The following KIF1B variants were observed in gnomAD, a reference collection of about 807,000 sequenced individuals.
The protein encoded by KIF1B is kinesin family member 1B.
In KIF1B, 76 loss-of-function variants were observed where a neutral mutation model predicts 241.9. That is an observed-to-expected ratio of 0.31 (90% CI 0.26 to 0.38). The LOEUF (loss-of-function observed/expected upper bound fraction) is 0.38, where lower values mean the gene tolerates loss of function less well. Ranked by LOEUF, KIF1B falls within the 10% of genes least tolerant of loss-of-function variation. The probability of loss-of-function intolerance (pLI) is 1.00; values close to 1 mark genes in which losing one functional copy is unlikely to be tolerated. For missense variants in KIF1B, 1,622 were observed against 2,271.4 expected, an observed-to-expected ratio of 0.71 and a Z score of 5.81; for synonymous variants, 750 against 796.7, an observed-to-expected ratio of 0.94 and a Z score of 0.99.
chr1:10,216,716 G>A (rs141506314), intron 1 of KIF1B, among the ~76,000 whole-genome samples: 1 of 152,126 alleles, frequency 6.6e-6, no homozygotes, highest in Non-Finnish European at 1.5e-5. Flanking sequence ...ACTCAAACCT[G>A]TCACTGCCCC....
Position 10,381,100 on chromosome 1 carries a change from G to A in KIF1B, c.*4513G>A, listed in dbSNP as rs1310576149. 9.0e-6 allele frequency: 2 copies of A among 222,600 alleles called. No homozygotes were observed. Among genetic ancestry groups the A allele is most frequent in the East Asian group, 6.6e-5 (1 of 15,264 alleles). The allele number at this position is 222,600 out of a possible 1,614,324, so 13.8% of individuals were successfully genotyped here. A position where few individuals can be genotyped will look rare whatever the true frequency, so the allele number is the denominator to read the frequency against. On this transcript the variant is annotated 3_prime_UTR_variant, in exon 49 of 49. Transcript: ENST00000676179. The stretch of plus-strand genomic sequence containing the variant: ...TCTCTTGCCAAACCGTGGCTGTTGT[G>A]TGTTGTTCTTCATGTCTTCGAGTTC...
chr1:10,372,763 G>A (rs1390718918), intron 45 of KIF1B, among the ~76,000 whole-genome samples: 4 of 148,520 alleles, frequency 2.7e-5, no homozygotes, highest in Non-Finnish European at 6.0e-5. Context: ...CCGAGTAGCT[G>A]GGACTACAGG....
intron 1 of KIF1B, among the ~76,000 whole-genome samples, chr1:10,217,800 T>C (rs1571082826): frequency 6.6e-6 from 1 of 151,668 alleles, no homozygotes; most frequent in African/African-American, 2.4e-5. Flanking sequence ...TTTGCTGTAC[T>C]CCCCCGTGAT....
At chr1:10,267,013 T>C (rs1648500301) in intron 5 of KIF1B, among the ~76,000 whole-genome samples, 1 of 151,032 alleles carries the variant, frequency 6.6e-6, no homozygotes. Flanking sequence ...TTTTCTTTCT[T>C]TCTTTCTTTC....
chr1:10,375,466 C>T, intron 48 of KIF1B, 93 bp downstream of exon 48: 1 of 971,788 alleles, frequency 1.0e-6, no homozygotes, highest in East Asian at 2.4e-5. Context: ...CTCACTGCAA[C>T]CTCCGCCCCC....
At chr1:10,272,836 CATT>C (rs1393491766) in intron 9 of KIF1B, among the ~76,000 whole-genome samples, 175 bp from the exon 10 acceptor site, 1 of 151,026 alleles carries the variant, frequency 6.6e-6, no homozygotes, top group Non-Finnish European at 1.5e-5. Flanking sequence ...TTAAATTAGT[CATT>C]GTGTGTTCTA....
chr1:10,278,904 C>T (rs1482469403), intron 13 of KIF1B, 193 bp from the exon 14 acceptor site: 1 of 483,454 alleles, frequency 2.1e-6, no homozygotes, highest in Non-Finnish European at 3.7e-6. Context: ...ATTTTCAAGG[C>T]CTCTTCTAGT....
rs1638974179 is a variant in KIF1B at position 10,379,652 on chromosome 1, A to G, written c.*3065A>G. The G allele has an allele frequency of 4.3e-6, 1 of 231,350 alleles. No homozygotes were observed. Among genetic ancestry groups the G allele is most frequent in the South Asian group, 1.8e-4 (1 of 5,512 alleles). The allele number at this position is 231,350 out of a possible 1,614,324, so 14.3% of individuals were successfully genotyped here. On this transcript the variant is annotated 3_prime_UTR_variant, in exon 49 of 49. Transcript: ENST00000676179. ...TAAATAAGCAAAAACTTTAAAAGGC[A>G]GGAAAGAGAATTCTTAGGCAAATTC...
chr1:10,358,011 G>C (rs894206547), intron 38 of KIF1B, among the ~76,000 whole-genome samples: 5 of 138,390 alleles, frequency 3.6e-5, no homozygotes, highest in African/African-American at 1.4e-4. Context: ...CTCTGTCTCA[G>C]AAAAATAAAT....
intron 15 of KIF1B, among the ~76,000 whole-genome samples, chr1:10,285,370 G>A (rs548927514): frequency 1.3e-5 from 2 of 152,256 alleles, no homozygotes; most frequent in Non-Finnish European, 2.9e-5. Context: ...TCACATGTTA[G>A]GAGTCAAGAC....
At position 10,365,541 on chromosome 1, in the gene KIF1B, A is replaced by T; in HGVS notation, c.4645A>T (p.Ile1549Phe). 1 of 1,614,116 alleles carries T rather than the reference A, an allele frequency of 6.2e-7. No homozygotes were observed. Among genetic ancestry groups the T allele is most frequent in the Non-Finnish European group, 8.5e-7 (1 of 1,180,034 alleles). Residue 1549 changes from isoleucine to phenylalanine, a missense_variant, in exon 43 of 49, where the codon ATC becomes TTC. Physicochemically the swap from Ile to Phe is conservative, Grantham distance 21 (BLOSUM62 0). This residue lies in a region of KIF1B where 357 missense variants were observed against 409.0 expected (regional missense o/e 0.87). Coordinates refer to ENST00000676179, the MANE Select transcript of KIF1B (RefSeq NM_001365951.3). This position sits in a 1 kb window ranked among gnomAD's most constrained non-coding sequence, Gnocchi z 4.0. ...CACCTCCACCAGTATCTCCTCTCAG[A>T]TCTCAACCACTACCTTTGAAAGCGC... ...LSTSTSISSQ[I>F]STTTFESAIT...
At chr1:10,294,543 A>G (rs2039778) in intron 17 of KIF1B, among the ~76,000 whole-genome samples, 51,266 of 151,968 alleles carry the variant, frequency 0.34, 8,802 homozygotes, top group Admixed American at 0.38. Context: ...ATCAAAAATT[A>G]GGTCTTGTTT....
At chr1:10,262,027 C>A in intron 5 of KIF1B, 57 bp downstream of exon 5, 1 of 1,152,190 alleles carries the variant, frequency 8.7e-7, no homozygotes. Flanking sequence ...TCTCAAGCAT[C>A]ACTTAAATGG....
At position 10,303,594 on chromosome 1, in the gene KIF1B, C is replaced by T. The variant is rs200862338; in HGVS notation, c.2115+6348C>T. Reference sequence around the variant, plus strand: ...CCGTCGGTGTTGGGGATGAGAAGATCGAAGACGTCATGGCCACTGGGAAAG... The same window carrying T: ...CCGTCGGTGTTGGGGATGAGAAGATTGAAGACGTCATGGCCACTGGGAAAG... On this transcript the variant is annotated intron_variant, in intron 22 of 48. Transcript: ENST00000676179. This position sits in a 1 kb window ranked among gnomAD's most constrained non-coding sequence, Gnocchi z 5.2. The T allele has an allele frequency of 1.3e-5, 21 of 1,614,022 alleles. No individual in the cohort carries two copies. The highest frequency in any genetic ancestry group is 8.0e-5 in the African/African-American group (6 of 74,988).
In KIF1B at chr1:10,282,547, C is replaced by G. The variant is rs1408082916; in HGVS notation, c.1434+14C>G. ...GAACGTTTAAAGGTAAGTAATAGTTCAGACTGAATACAAGGTATTCTATGT... is the reference window on the plus strand; with the variant it reads ...GAACGTTTAAAGGTAAGTAATAGTTGAGACTGAATACAAGGTATTCTATGT... On this transcript the variant is annotated intron_variant, in intron 15 of 48. Coordinates refer to ENST00000676179, the MANE Select transcript of KIF1B (RefSeq NM_001365951.3). 17 of 1,596,508 alleles carry G rather than the reference C, an allele frequency of 1.1e-5. No homozygotes were observed. Among genetic ancestry groups the G allele is most frequent in the Non-Finnish European group, 1.5e-5 (17 of 1,164,148 alleles).
intron 1 of KIF1B, among the ~76,000 whole-genome samples, chr1:10,224,812 G>T (rs541767039): frequency 2.0e-5 from 3 of 152,092 alleles, no homozygotes; most frequent in African/African-American, 4.8e-5. Context: ...AATAACTATT[G>T]TATTCAAGAC....
At chr1:10,335,967 C>T (rs1478863945) in intron 28 of KIF1B, among the ~76,000 whole-genome samples, 1 of 152,132 alleles carries the variant, frequency 6.6e-6, no homozygotes, top group Non-Finnish European at 1.5e-5. Flanking sequence ...TGTCCAGTGA[C>T]CTTTCAGCCT....
intron 1 of KIF1B, among the ~76,000 whole-genome samples, chr1:10,231,695 T>C (rs188162359): frequency 6.6e-6 from 1 of 152,270 alleles, no homozygotes; most frequent in African/African-American, 2.4e-5. Flanking sequence ...CCCAATGCAC[T>C]TCTTTAAAGA....
intron 5 of KIF1B, among the ~76,000 whole-genome samples, chr1:10,265,443 C>T (rs1374744353): frequency 6.6e-6 from 1 of 151,952 alleles, no homozygotes; most frequent in East Asian, 1.9e-4. Context: ...ACCATGTTAC[C>T]CAGGTTGGTC....
Sources: gnomAD v4.1 joint callset for allele counts (sites outside exome capture counted in the v4.1 genomes callset) on GRCh38, gnomAD v4.1.1 for gene constraint, gnomAD v4.1.1 regional missense constraint, Gnocchi (gnomAD v3.1) non-coding constraint, MANE v1.5 for transcripts, NCBI Gene and HGNC (gene_info 2026-07-23, HGNC 2026-07-21) for gene names.